AGPAT4: variants seen among roughly 807,000 people sequenced by gnomAD.
AGPAT4 encodes 1-acylglycerol-3-phosphate O-acyltransferase 4, also known as 1-acyl-sn-glycerol-3-phosphate acyltransferase delta.
In AGPAT4, 15 loss-of-function variants were observed where a neutral mutation model predicts 48.0. The ratio of observed to expected loss-of-function variants is 0.31; its 90% CI spans 0.21 to 0.48. The LOEUF is 0.48. Ranked by LOEUF, AGPAT4 falls within the 20% of genes least tolerant of loss-of-function variation. The pLI is 0.99. For synonymous variants in AGPAT4, 178 were observed against 198.7 expected, an observed-to-expected ratio of 0.90 and a Z score of 0.88; for missense variants, 314 against 482.5, an observed-to-expected ratio of 0.65 and a Z score of 3.27.
Position 161,184,421 on chromosome 6 carries a change from G to A in AGPAT4, c.179-18004C>T, listed in dbSNP as rs1324435321. Among the ~76,000 whole-genome samples, 2 of 152,052 alleles carry A rather than the reference G, an allele frequency of 1.3e-5. No individual in the cohort carries two copies. Among genetic ancestry groups the A allele is most frequent in the East Asian group, 1.9e-4 (1 of 5,188 alleles). ...GCTGTTAACTGGGTTGGGGAGCATG[G>A]GGGAGAGGAAGGTGTGTGGAGGGAG... On this transcript the variant is annotated intron_variant, in intron 2 of 8. Coordinates refer to ENST00000320285, the MANE Select transcript of AGPAT4 (RefSeq NM_020133.3). This position sits in a 1 kb window ranked among gnomAD's most constrained non-coding sequence, Gnocchi z 4.8.
At chr6:161,247,020 A>C (rs1026594864) in intron 1 of AGPAT4, among the ~76,000 whole-genome samples, 4 of 152,226 alleles carry the variant, frequency 2.6e-5, no homozygotes, top group African/African-American at 9.6e-5. Context: ...ATTGCTCTCC[A>C]TACCTTTACA....
At chr6:161,172,141 C>T (rs1207589116) in intron 2 of AGPAT4, among the ~76,000 whole-genome samples, 6 of 152,122 alleles carry the variant, frequency 3.9e-5, no homozygotes, top group African/African-American at 1.4e-4. Flanking sequence ...AGAATAAAAA[C>T]AGGAGAAGAG....
chr6:161,270,621 AT>A lies in AGPAT4; in HGVS notation c.-90+3316del, dbSNP rs1468403053. Among the ~76,000 whole-genome samples the A allele has an allele frequency of 2.0e-5, 3 of 152,160 alleles. No individual in the cohort carries two copies. Among genetic ancestry groups the A allele is most frequent in the Admixed American group, 6.5e-5 (1 of 15,274 alleles). ...CTATCTCTACTAAAAATACAAAAAA[AT>A]AAAAAATAAATTAGCTGGGCGTGGT... On this transcript the variant is annotated intron_variant, in intron 1 of 8. Transcript: ENST00000320285. The surrounding 1 kb of genome is among the most constrained non-coding windows in gnomAD (Gnocchi z 5.3).
intron 2 of AGPAT4, among the ~76,000 whole-genome samples, chr6:161,188,145 T>C (rs893775521): frequency 2.6e-5 from 4 of 152,254 alleles, no homozygotes; most frequent in Admixed American, 2.0e-4. Flanking sequence ...TGCTAAAATA[T>C]ACACAATTAC....
rs753048084 is a variant in AGPAT4 at position 161,259,443 on chromosome 6, G to A, written c.-90+14495C>T. Among the ~76,000 whole-genome samples, 7 of 151,980 alleles carry A rather than the reference G, an allele frequency of 4.6e-5. No homozygotes were observed. The highest frequency in any genetic ancestry group is 5.9e-5 in the Non-Finnish European group (4 of 67,992). Reference sequence around the variant, plus strand: ...TTGCTGGTGATCACGGACTTTTGTAGAGCCACCCGGTCTTTTGCAGGGCGG... The same window carrying A: ...TTGCTGGTGATCACGGACTTTTGTAAAGCCACCCGGTCTTTTGCAGGGCGG... On this transcript the variant is annotated intron_variant, in intron 1 of 8. Transcript: ENST00000320285. The surrounding 1 kb of genome is among the most constrained non-coding windows in gnomAD (Gnocchi z 4.9).
chr6:161,265,571 C>T lies in AGPAT4; in HGVS notation c.-90+8367G>A, dbSNP rs117530460. On this transcript the variant is annotated intron_variant, in intron 1 of 8. Coordinates refer to ENST00000320285, the MANE Select transcript of AGPAT4 (RefSeq NM_020133.3). ...GGGGCGCAGCACTCACTGTGAAGGT[C>T]AAGGAAACAGTAATGAAATCCCCAG... 1.2e-4 allele frequency among the ~76,000 whole-genome samples: 19 copies of T among 152,312 alleles called. No individual in the cohort carries two copies. The East Asian group carries it at 3.7e-3, about 29-fold the overall frequency.
In AGPAT4 at chr6:161,147,692, A is replaced by G. The variant is rs920781855; in HGVS notation, c.768-1093T>C. ...CCTTTTCTGTTCCTACGCACACTGC[A>G]CTTCTCTGGATCCTCTACTTCTTTG... On this transcript the variant is annotated intron_variant, in intron 6 of 8. Transcript: ENST00000320285. The surrounding 1 kb of genome is among the most constrained non-coding windows in gnomAD (Gnocchi z 4.8). 1.3e-5 allele frequency among the ~76,000 whole-genome samples: 2 copies of G among 152,210 alleles called. No individual in the cohort carries two copies. Among genetic ancestry groups the G allele is most frequent in the Non-Finnish European group, 2.9e-5 (2 of 68,046 alleles).
At position 161,180,886 on chromosome 6, in the gene AGPAT4, T is replaced by G. The variant is rs751694370; in HGVS notation, c.179-14469A>C. Reference sequence around the variant, plus strand: ...AGCCAAAACAGATTTGGTTTTATTATATTTGCCATTGTGCTGTTCAGCTTA... The same window carrying G: ...AGCCAAAACAGATTTGGTTTTATTAGATTTGCCATTGTGCTGTTCAGCTTA... On this transcript the variant is annotated intron_variant, in intron 2 of 8. Coordinates refer to ENST00000320285, the MANE Select transcript of AGPAT4 (RefSeq NM_020133.3). The surrounding 1 kb of genome is among the most constrained non-coding windows in gnomAD (Gnocchi z 6.4). Among the ~76,000 whole-genome samples the G allele has an allele frequency of 6.6e-6, 1 of 152,168 alleles. No individual in the cohort carries two copies. The highest frequency in any genetic ancestry group is 1.5e-5 in the Non-Finnish European group (1 of 68,038).
intron 2 of AGPAT4, among the ~76,000 whole-genome samples, chr6:161,194,565 T>C (rs1246654514): frequency 1.3e-5 from 2 of 148,728 alleles, no homozygotes; most frequent in Non-Finnish European, 2.9e-5. Context: ...TGCATGTGTG[T>C]ATGTGTATGT....
intron 2 of AGPAT4, among the ~76,000 whole-genome samples, chr6:161,183,847 TG>T (rs1400872265): frequency 1.3e-5 from 2 of 150,554 alleles, no homozygotes; most frequent in Admixed American, 6.6e-5. Context: ...CGTGGCTCTC[TG>T]GGGACATGGG....
chr6:161,252,537 C>G (rs1314508454), intron 1 of AGPAT4, among the ~76,000 whole-genome samples: 1 of 152,138 alleles, frequency 6.6e-6, no homozygotes, highest in African/African-American at 2.4e-5. Flanking sequence ...TTTGAAAATA[C>G]AATTGGACAG....
At chr6:161,256,526 G>A (rs1022867099) in intron 1 of AGPAT4, among the ~76,000 whole-genome samples, 8 of 152,220 alleles carry the variant, frequency 5.3e-5, no homozygotes, top group Admixed American at 6.5e-5. Context: ...ATGAAATGTG[G>A]GGAGAAGTTC....
rs978264325 is a variant in AGPAT4 at position 161,200,430 on chromosome 6, T to G, written c.178+31606A>C. ...AATAACATGCCATTTTATCTCCAAATAACCACAGTACAATCCTAATTATCT... is the reference window on the plus strand; with the variant it reads ...AATAACATGCCATTTTATCTCCAAAGAACCACAGTACAATCCTAATTATCT... On this transcript the variant is annotated intron_variant, in intron 2 of 8. Coordinates refer to ENST00000320285, the MANE Select transcript of AGPAT4 (RefSeq NM_020133.3). This position sits in a 1 kb window ranked among gnomAD's most constrained non-coding sequence, Gnocchi z 5.5. 7.2e-5 allele frequency among the ~76,000 whole-genome samples: 11 copies of G among 152,190 alleles called. No homozygotes were observed. The highest frequency in any genetic ancestry group is 2.4e-4 in the African/African-American group (10 of 41,452).
chr6:161,186,009 C>T (rs1356950398), intron 2 of AGPAT4, among the ~76,000 whole-genome samples: 1 of 152,190 alleles, frequency 6.6e-6, no homozygotes, highest in Non-Finnish European at 1.5e-5. Context: ...CCCTCCTTTG[C>T]TTACTGCATG....
chr6:161,221,404 GTATT>G lies in AGPAT4; in HGVS notation c.178+10628_178+10631del, dbSNP rs1451536553. Among the ~76,000 whole-genome samples, 1 of 152,092 alleles carries G rather than the reference GTATT, an allele frequency of 6.6e-6. No individual in the cohort carries two copies. Among genetic ancestry groups the G allele is most frequent in the Non-Finnish European group, 1.5e-5 (1 of 68,012 alleles). ...GGCCTCGTCCATGGATAAAAGCAAG[GTATT>G]TTATCGTATAATCTCTCATTTCCTA... is the stretch of plus-strand genomic sequence containing the variant. On this transcript the variant is annotated intron_variant, in intron 2 of 8. Transcript: ENST00000320285. This position sits in a 1 kb window ranked among gnomAD's most constrained non-coding sequence, Gnocchi z 4.5.
Position 161,235,318 on chromosome 6 carries a change from C to T in AGPAT4, c.-89-3016G>A, listed in dbSNP as rs992906497. ...GCGGATTCTCAAATTTATATGCAAA[C>T]GCCAAAATAAGAATAGTCAAGGCAT... On this transcript the variant is annotated intron_variant, in intron 1 of 8. Coordinates refer to ENST00000320285, the MANE Select transcript of AGPAT4 (RefSeq NM_020133.3). The surrounding 1 kb of genome is among the most constrained non-coding windows in gnomAD (Gnocchi z 6.2). Among the ~76,000 whole-genome samples, 2 of 152,054 alleles carry T rather than the reference C, an allele frequency of 1.3e-5. No homozygotes were observed. The highest frequency in any genetic ancestry group is 1.9e-4 in the East Asian group (1 of 5,192).
chr6:161,161,813 CGTT>C lies in AGPAT4; in HGVS notation c.348+4432_348+4434del, dbSNP rs1201697036. 1.1e-5 allele frequency: 3 copies of C among 282,404 alleles called. No homozygotes were observed. Among genetic ancestry groups the C allele is most frequent in the Middle Eastern group, 1.3e-3 (1 of 776 alleles). 17.5% of individuals were successfully genotyped at this position (282,404 alleles called of 1,614,324 possible). On this transcript the variant is annotated intron_variant, in intron 3 of 8. Transcript: ENST00000320285. The surrounding 1 kb of genome is among the most constrained non-coding windows in gnomAD (Gnocchi z 4.6). ...ATTTTGAAGGTATATCAATTGCTAT[CGTT>C]GTCATGATCGAAAATCCTTCGTTTA...
chr6:161,163,633 T>C (rs1229620056), intron 3 of AGPAT4, among the ~76,000 whole-genome samples: 2 of 152,176 alleles, frequency 1.3e-5, no homozygotes, highest in African/African-American at 4.8e-5. Flanking sequence ...GTGCCTGCCA[T>C]GTGCCTGCCC....
Position 161,153,365 on chromosome 6 carries a change from C to T in AGPAT4, c.645G>A (p.Val215=), listed in dbSNP as rs1241901775. Residue 215 remains valine (V), a synonymous_variant, in exon 5 of 9, where the codon GTG becomes GTA. Coordinates refer to ENST00000320285, the MANE Select transcript of AGPAT4 (RefSeq NM_020133.3). ...CCTTACCTACATTTCTCAAGCTCCT[C>T]ACGGTGATGGCGAAGCCCTTGGTTC... The part of the protein sequence containing the change: ...LPRTKGFAIT[V]RSLRNVVSAV... 6.2e-7 allele frequency: 1 copy of T among 1,609,430 alleles called. No individual in the cohort carries two copies. The highest frequency in any genetic ancestry group is 8.5e-7 in the Non-Finnish European group (1 of 1,177,872).
Sources: allele counts gnomAD v4.1 joint callset (sites outside exome capture counted in the v4.1 genomes callset), GRCh38; gene constraint gnomAD v4.1.1; non-coding constraint Gnocchi (gnomAD v3.1); transcripts MANE v1.5; gene names NCBI Gene and HGNC (gene_info 2026-07-23, HGNC 2026-07-21).